The following SLC35D1 variants were observed in gnomAD, a reference collection of about 807,000 sequenced individuals.
SLC35D1 encodes nucleotide sugar transporter SLC35D1.
Under a neutral mutation model 46.7 loss-of-function variants are expected in SLC35D1, and 31 were observed. The observed-to-expected ratio is 0.66, with a 90% CI of 0.50 to 0.90. The LOEUF (loss-of-function observed/expected upper bound fraction) is 0.90. Among genes scored for constraint, SLC35D1 ranks in the 40% least tolerant of loss-of-function variants. SLC35D1 has a pLI of 0.00. For missense variants in SLC35D1, 397 were observed against 426.2 expected (o/e 0.93, Z 0.60); for synonymous variants, 195 against 164.6 (o/e 1.18, Z -1.41).
chr1:67,019,846 T>C (rs1218704773), intron 10 of SLC35D1, among the ~76,000 whole-genome samples: 1 of 152,214 alleles, frequency 6.6e-6, no homozygotes, highest in South Asian at 2.1e-4. Context: ...CTCTCCTGGC[T>C]GAAGACAAAT....
chr1:67,049,798 C>T lies in SLC35D1; in HGVS notation c.517G>A (p.Ala173Thr), dbSNP rs1645288273. 8 of 1,613,668 alleles carry T rather than the reference C, an allele frequency of 5.0e-6. No individual in the cohort carries two copies. The East Asian group carries it at 1.6e-4, about 32-fold the overall frequency. Residue 173 changes from alanine to threonine, a missense_variant, in exon 6 of 12, where the codon GCC becomes ACC. Transcript: ENST00000235345. ...ACATCTTACCTGGCAGCTACAAAGG[C>T]TCCAATAATCATTGCAAATACAGTC... ...KMTVFAMIIG[A>T]FVAASSDLAF...
the SLC35D1 span, among the ~76,000 whole-genome samples, chr1:66,990,283 C>A: frequency 6.6e-6 from 1 of 152,084 alleles, no homozygotes; most frequent in African/African-American, 2.4e-5. Flanking sequence ...TGCAATTTTT[C>A]TTTTTTCCGG....
At chr1:67,043,130 G>A (rs1470852272) in intron 7 of SLC35D1, among the ~76,000 whole-genome samples, 1 of 151,762 alleles carries the variant, frequency 6.6e-6, no homozygotes, top group Non-Finnish European at 1.5e-5. Context: ...AGGAGGTGGA[G>A]ATGCAGTGAG....
At chr1:66,976,844 C>T in the SLC35D1 span, 11 of 770,376 alleles carry the variant, frequency 1.4e-5, no homozygotes, top group South Asian at 1.2e-4. Flanking sequence ...ACCAGAAGGC[C>T]GAGAGTGATA....
intron 8 of SLC35D1, among the ~76,000 whole-genome samples, chr1:67,024,548 A>G (rs2102292299): frequency 6.6e-6 from 1 of 152,310 alleles, no homozygotes; most frequent in African/African-American, 2.4e-5. Context: ...TAGAACTCCA[A>G]GATGAAAGTG....
intron 10 of SLC35D1, among the ~76,000 whole-genome samples, chr1:67,013,589 C>G (rs1307491026): frequency 3.3e-5 from 5 of 152,038 alleles, no homozygotes; most frequent in African/African-American, 1.2e-4. Context: ...CTTATTTCTT[C>G]CTACTCCTCC....
intron 7 of SLC35D1, among the ~76,000 whole-genome samples, chr1:67,044,557 A>C (rs1359821544): frequency 1.3e-5 from 2 of 152,252 alleles, no homozygotes; most frequent in East Asian, 3.8e-4. Context: ...ACACACATAC[A>C]CATACAAAAT....
chr1:67,028,159 T>C (rs1039696667), intron 8 of SLC35D1, among the ~76,000 whole-genome samples: 2 of 152,376 alleles, frequency 1.3e-5, no homozygotes, highest in South Asian at 4.1e-4. Flanking sequence ...AATATCTTTA[T>C]GCCATTAATT....
the SLC35D1 span, among the ~76,000 whole-genome samples, chr1:66,974,436 G>T: frequency 0.12 from 17,148 of 146,028 alleles, 2,132 homozygotes; most frequent in African/African-American, 0.34. Context: ...TTTTTTTTTT[G>T]TTGTTGTTGT....
chr1:67,017,424 A>G (rs1369082668), intron 10 of SLC35D1, among the ~76,000 whole-genome samples: 1 of 152,078 alleles, frequency 6.6e-6, no homozygotes, highest in East Asian at 1.9e-4. Context: ...ACATTTTCAA[A>G]TTTTTCTTCC....
At chr1:67,044,122 G>C (rs1251218090) in intron 7 of SLC35D1, among the ~76,000 whole-genome samples, 1 of 152,146 alleles carries the variant, frequency 6.6e-6, no homozygotes, top group Non-Finnish European at 1.5e-5. Context: ...GATCGCCTGA[G>C]GTCAGGAATT....
the SLC35D1 span, chr1:66,987,779 A>C: frequency 6.6e-6 from 1 of 152,120 alleles, no homozygotes; most frequent in Non-Finnish European, 1.5e-5. Context: ...ATATATACAC[A>C]GTCTGTTTCT....
chr1:67,051,579 C>T (rs1194402987), intron 4 of SLC35D1, among the ~76,000 whole-genome samples: 1 of 152,112 alleles, frequency 6.6e-6, no homozygotes, highest in East Asian at 1.9e-4. Context: ...TACCTTACTT[C>T]ACATTAAAAG....
At chr1:66,984,259 T>C in the SLC35D1 span, among the ~76,000 whole-genome samples, 8 of 152,346 alleles carry the variant, frequency 5.3e-5, no homozygotes, top group South Asian at 1.7e-3. Context: ...CTGTCACATA[T>C]ACCTAATATG....
chr1:67,039,798 C>A lies in SLC35D1; in HGVS notation c.729+2438G>T, dbSNP rs1315910495. Among the ~76,000 whole-genome samples, 7 of 152,016 alleles carry A rather than the reference C, an allele frequency of 4.6e-5. 1 individual carries two copies. Among genetic ancestry groups the A allele is most frequent in the Non-Finnish European group, 1.5e-5 (1 of 68,008 alleles). ...GCTGCCTGTTTCCACAATGACATGGCTTTTACTCCTCAGAAACTCTGTCTC... is the reference window on the plus strand; with the variant it reads ...GCTGCCTGTTTCCACAATGACATGGATTTTACTCCTCAGAAACTCTGTCTC... On this transcript the variant is annotated intron_variant, in intron 8 of 11. Coordinates refer to ENST00000235345, the MANE Select transcript of SLC35D1 (RefSeq NM_015139.3).
chr1:67,012,784 G>C (rs1667594391), intron 10 of SLC35D1, among the ~76,000 whole-genome samples: 1 of 152,068 alleles, frequency 6.6e-6, no homozygotes, highest in Non-Finnish European at 1.5e-5. Context: ...GTACCTTATG[G>C]CTGGTAATTC....
chr1:66,985,949 CA>C, the SLC35D1 span: 1 of 983,072 alleles, frequency 1.0e-6, no homozygotes, highest in Admixed American at 6.3e-5. Flanking sequence ...TGAAGCAAGA[CA>C]AAAGTTTAAT....
chr1:67,021,596 C>G lies in SLC35D1; in HGVS notation c.736G>C (p.Glu246Gln). The G allele has an allele frequency of 6.2e-7, 1 of 1,613,906 alleles. No homozygotes were observed. Among genetic ancestry groups the G allele is most frequent in the South Asian group, 1.1e-5 (1 of 91,066 alleles). Reference protein sequence around the residue: ...YFTGDAQKAVEFEGWADTLFL... With the variant: ...YFTGDAQKAVQFEGWADTLFL... ...AGGGTGTCAGCCCAGCCTTCAAACT[C>G]CACAGCCTGCAACACACAAGAAAGC... Residue 246 changes from glutamate (E) to glutamine (Q), a missense_variant, in exon 9 of 12, where the codon GAG (glutamate) becomes CAG (glutamine). Glu to Gln is a conservative substitution (Grantham distance 29). Coordinates refer to ENST00000235345, the MANE Select transcript of SLC35D1 (RefSeq NM_015139.3).
chr1:66,996,260 C>G (rs1174234246), downstream of SLC35D1, among the ~76,000 whole-genome samples: 2 of 152,240 alleles, frequency 1.3e-5, no homozygotes, highest in African/African-American at 4.8e-5. Flanking sequence ...TTTAGCACAG[C>G]TGGAAAAGCA....
Sources: gnomAD v4.1 joint callset for allele counts (sites outside exome capture counted in the v4.1 genomes callset) on GRCh38, gnomAD v4.1.1 for gene constraint, MANE v1.5 for transcripts, NCBI Gene and HGNC (gene_info 2026-07-23, HGNC 2026-07-21) for gene names.